Variants in FBXW7 observed in about 807,000 individuals in gnomAD.
FBXW7 encodes the protein F-box/WD repeat-containing protein 7.
In FBXW7, 11 loss-of-function variants were observed where a neutral mutation model predicts 86.3. The ratio of observed to expected loss-of-function variants is 0.13; its 90% confidence interval spans 0.08 to 0.21. FBXW7 has a LOEUF of 0.21. Ranked by LOEUF, FBXW7 falls within the 10% of genes least tolerant of loss-of-function variation. The pLI is 1.00. For synonymous variants in FBXW7, 313 were observed against 297.9 expected (o/e 1.05, Z -0.52); for missense variants, 488 against 847.4 (o/e 0.58, Z 5.27).
In FBXW7 at chr4:152,535,319, C is replaced by T; in HGVS notation, c.-405G>A. On this transcript the variant is annotated 5_prime_UTR_variant, in exon 1 of 14. Transcript: ENST00000281708. ...TCGGGACTGGGGCGGGGGAGGGGGGCTCTAGGAACTCCTCCCGGAGTCCAG... is the reference window on the plus strand; with the variant it reads ...TCGGGACTGGGGCGGGGGAGGGGGGTTCTAGGAACTCCTCCCGGAGTCCAG... 1 of 328,520 alleles carries T rather than the reference C, an allele frequency of 3.0e-6. No individual in the cohort carries two copies. The highest frequency in any genetic ancestry group is 5.5e-6 in the Non-Finnish European group (1 of 181,546). 20.4% of individuals were successfully genotyped at this position (328,520 alleles called of 1,614,324 possible).
chr4:152,349,129 TA>T (rs1200161257), intron 5 of FBXW7, among the ~76,000 whole-genome samples: 23 of 151,982 alleles, frequency 1.5e-4, no homozygotes, highest in Admixed American at 5.9e-4. Flanking sequence ...CAATGTTCAA[TA>T]AAAAAATTAT....
intron 2 of FBXW7, chr4:152,530,291 T>C (rs1749910989): frequency 6.6e-6 from 1 of 152,176 alleles, no homozygotes; most frequent in African/African-American, 2.4e-5. Flanking sequence ...ATTAAGACTT[T>C]AATAGATAGC....
In FBXW7 at chr4:152,535,684, G is replaced by A. The variant is rs1164009004; in HGVS notation, c.-770C>T. 2 of 396,044 alleles carry A rather than the reference G, an allele frequency of 5.0e-6. No individual in the cohort carries two copies. The highest frequency in any genetic ancestry group is 8.9e-6 in the Non-Finnish European group (2 of 224,352). 24.5% of individuals were successfully genotyped at this position (396,044 alleles called of 1,614,324 possible). On this transcript the variant is annotated 5_prime_UTR_variant, in exon 1 of 14. Transcript: ENST00000281708. ...GGGACCCCCCTCCCTACACCTTGGG[G>A]GTCTCGCCCCACGCCCCACGGGACG...
chr4:152,336,725 C>A (rs1015437539), intron 7 of FBXW7, among the ~76,000 whole-genome samples: 1 of 151,976 alleles, frequency 6.6e-6, no homozygotes, highest in Admixed American at 6.6e-5. Flanking sequence ...CAGTAGAAAA[C>A]ACATTTTAGG....
Position 152,328,222 on chromosome 4 carries a change from A to T in FBXW7, c.1404T>A (p.His468Gln), listed in dbSNP as rs1729234636. The change falls in exon 11 of 14, where the codon CAT becomes CAA. Residue 468 changes from histidine (H) to glutamine (Q), a missense_variant. Physicochemically the swap from His to Gln is conservative, Grantham distance 24 (BLOSUM62 0). Around this residue, in one of 4 missense-constraint regions of FBXW7, gnomAD observed 142 missense variants for 406.6 expected, o/e 0.35. Transcript: ENST00000281708. ...TTTTCCCTTACCTTTTTTCATGAAG[A>T]TGCATACAACGCACAGTGGAAGTAT... ...YGHTSTVRCM[H>Q]LHEKRVVSGS... The T allele has an allele frequency of 6.3e-7, 1 of 1,587,382 alleles. No individual in the cohort carries two copies. The highest frequency in any genetic ancestry group is 1.8e-5 in the Admixed American group (1 of 55,050).
chr4:152,488,915 C>A (rs971629960), intron 2 of FBXW7, among the ~76,000 whole-genome samples: 4 of 152,120 alleles, frequency 2.6e-5, no homozygotes, highest in African/African-American at 9.6e-5. Flanking sequence ...TGCCCTCAAG[C>A]AACTCAATTT....
In FBXW7 at chr4:152,366,502, G is replaced by T. The variant is rs558132321; in HGVS notation, c.502-16378C>A. On this transcript the variant is annotated intron_variant, in intron 4 of 13. Transcript: ENST00000281708. ...CCATTTTACTGACAAGAAATCTGAA[G>T]CATGAGTTTCTGAGTTGCCAAAAGT... Among the ~76,000 whole-genome samples, 9 of 152,238 alleles carry T rather than the reference G, an allele frequency of 5.9e-5. No homozygotes were observed. In the South Asian group the frequency reaches 1.9e-3, roughly 32 times the overall value.
chr4:152,432,071 C>T (rs59966554), intron 2 of FBXW7, among the ~76,000 whole-genome samples: 4,667 of 152,246 alleles, frequency 0.031, 118 homozygotes, highest in African/African-American at 0.061. Flanking sequence ...GGGTAGTGGT[C>T]TCAAATGTGC....
At chr4:152,349,711 G>A (rs1294488616) in intron 5 of FBXW7, among the ~76,000 whole-genome samples, 3 of 151,766 alleles carry the variant, frequency 2.0e-5, no homozygotes, top group Non-Finnish European at 3.0e-5. Flanking sequence ...CCCTAGAACA[G>A]CTGTTCCTAT....
At position 152,535,429 on chromosome 4, in the gene FBXW7, G is replaced by A. The variant is rs1579463457; in HGVS notation, c.-515C>T. 1 of 389,484 alleles carries A rather than the reference G, an allele frequency of 2.6e-6. No individual in the cohort carries two copies. The allele number at this position is 389,484 out of a possible 1,614,324, so 24.1% of individuals were successfully genotyped here. ...GGAGGGGGAAGGTGAGGAAAGGACGGCGGCGTCGGTCCTGTTCTCTCCGCC... is the reference window on the plus strand; with the variant it reads ...GGAGGGGGAAGGTGAGGAAAGGACGACGGCGTCGGTCCTGTTCTCTCCGCC... On this transcript the variant is annotated 5_prime_UTR_variant, in exon 1 of 14. Transcript: ENST00000281708.
intron 2 of FBXW7, among the ~76,000 whole-genome samples, chr4:152,519,465 TCTC>T (rs1748811444): frequency 6.7e-6 from 1 of 148,156 alleles, no homozygotes; most frequent in African/African-American, 2.5e-5. Flanking sequence ...CCTGAAATAA[TCTC>T]CTTCAAAAGA....
At chr4:152,425,236 C>G (rs575303803) in intron 2 of FBXW7, among the ~76,000 whole-genome samples, 1 of 152,350 alleles carries the variant, frequency 6.6e-6, no homozygotes, top group East Asian at 1.9e-4. Context: ...CACAAAGACT[C>G]TCAAAAGTTG....
At chr4:152,422,455 CTCTG>C (rs1398082652) in intron 2 of FBXW7, among the ~76,000 whole-genome samples, 1 of 152,116 alleles carries the variant, frequency 6.6e-6, no homozygotes, top group Non-Finnish European at 1.5e-5. Flanking sequence ...TTGTCAAACT[CTCTG>C]TCTCTTTCTG....
intron 2 of FBXW7, among the ~76,000 whole-genome samples, chr4:152,526,944 T>C (rs186815361): frequency 3.2e-4 from 48 of 152,366 alleles, no homozygotes; most frequent in African/African-American, 1.1e-3. Context: ...ACAGAATTAC[T>C]TCAGTATTAT....
chr4:152,447,653 T>C (rs1741530740), intron 2 of FBXW7, among the ~76,000 whole-genome samples: 1 of 152,342 alleles, frequency 6.6e-6, no homozygotes, highest in South Asian at 2.1e-4. Context: ...TACTTTAAAA[T>C]AGCTTTATAT....
chr4:152,416,834 A>G (rs1481045768), intron 2 of FBXW7, among the ~76,000 whole-genome samples: 1 of 152,128 alleles, frequency 6.6e-6, no homozygotes, highest in East Asian at 1.9e-4. Flanking sequence ...ATTATAATAC[A>G]TATTTTGTTT....
intron 4 of FBXW7, among the ~76,000 whole-genome samples, chr4:152,388,065 A>G (rs536096575): frequency 6.6e-6 from 1 of 152,080 alleles, no homozygotes; most frequent in East Asian, 1.9e-4. Context: ...CACAAAAGGT[A>G]TGTCAAATAA....
chr4:152,368,279 A>C (rs921614997), intron 4 of FBXW7, among the ~76,000 whole-genome samples: 1 of 152,150 alleles, frequency 6.6e-6, no homozygotes, highest in Non-Finnish European at 1.5e-5. Flanking sequence ...AGCTAATATG[A>C]AAACAGCAGA....
At chr4:152,437,336 G>A (rs1305733128) in intron 2 of FBXW7, among the ~76,000 whole-genome samples, 1 of 151,596 alleles carries the variant, frequency 6.6e-6, no homozygotes, top group Non-Finnish European at 1.5e-5. Flanking sequence ...CTGAGATCGT[G>A]CCACTGCACT....
Sources: gnomAD v4.1 joint callset for allele counts (sites outside exome capture counted in the v4.1 genomes callset) on GRCh38, gnomAD v4.1.1 for gene constraint, gnomAD v4.1.1 regional missense constraint, MANE v1.5 for transcripts, NCBI Gene and HGNC (gene_info 2026-07-23, HGNC 2026-07-21) for gene names.